Variants in LARP1B observed in about 807,000 individuals in gnomAD.
The protein encoded by LARP1B is la-related protein 1B.
LARP1B carries 76 observed loss-of-function variants against 114.2 expected under a neutral mutation model. That is an observed-to-expected ratio of 0.67 (90% CI 0.55 to 0.81). The LOEUF (loss-of-function observed/expected upper bound fraction) is 0.81. Among genes scored for constraint, LARP1B ranks in the 30% least tolerant of loss-of-function variants. The probability of loss-of-function intolerance (pLI) is 0.00; values close to 1 mark genes in which losing one functional copy is unlikely to be tolerated. For missense variants in LARP1B, 1,014 were observed against 1,075.8 expected (o/e 0.94, Z 0.80); for synonymous variants, 345 against 348.0 (o/e 0.99, Z 0.10).
chr4:128,063,508 G>A (rs376285227), intron 1 of LARP1B, among the ~76,000 whole-genome samples: 2 of 150,996 alleles, frequency 1.3e-5, no homozygotes, highest in South Asian at 4.2e-4. Context: ...GGCCGGGCGC[G>A]GTGGCTCACG....
intron 11 of LARP1B, chr4:128,155,782 T>A: frequency 3.1e-6 from 5 of 1,597,880 alleles, no homozygotes; most frequent in Non-Finnish European, 4.3e-6. Context: ...ACTGACTGAC[T>A]TCCTGCAGGC....
chr4:128,089,002 A>G (rs982036911), intron 5 of LARP1B, among the ~76,000 whole-genome samples: 2 of 152,142 alleles, frequency 1.3e-5, no homozygotes, highest in African/African-American at 4.8e-5. Flanking sequence ...TTTAGGTCTA[A>G]GCATTGAGGA....
Position 128,091,096 on chromosome 4 carries a change from G to A in LARP1B, c.454G>A (p.Gly152Arg), listed in dbSNP as rs1465771488. 8 of 1,613,906 alleles carry A rather than the reference G, an allele frequency of 5.0e-6. No individual in the cohort carries two copies. The highest frequency in any genetic ancestry group is 6.8e-6 in the Non-Finnish European group (8 of 1,179,854). The change falls in exon 6 of 20, where the codon GGA (glycine) becomes AGA (arginine). Residue 152 changes from glycine to arginine, a missense_variant. Gly to Arg is a moderately radical substitution (Grantham distance 125, BLOSUM62 -2). Transcript: ENST00000326639. ...TATCCGAGGTTCCTTTAGAGGTCGA[G>A]GAAGAGGCCGAGGACGGGGAAGAGG... ...GNIRGSFRGR[G>R]RGRGRGRGRG...
intron 15 of LARP1B, among the ~76,000 whole-genome samples, chr4:128,193,713 T>C (rs577221493): frequency 2.6e-5 from 4 of 152,166 alleles, no homozygotes; most frequent in Admixed American, 2.6e-4. Context: ...GCCTCCTGGG[T>C]TCAAACGATT....
chr4:128,184,740 C>T (rs902821946), intron 15 of LARP1B, among the ~76,000 whole-genome samples: 2 of 152,150 alleles, frequency 1.3e-5, no homozygotes, highest in Non-Finnish European at 2.9e-5. Context: ...CACCGCCCTT[C>T]CCCCTACCCA....
intron 7 of LARP1B, among the ~76,000 whole-genome samples, chr4:128,096,961 C>T (rs1159313072): frequency 6.6e-6 from 1 of 151,716 alleles, no homozygotes; most frequent in Admixed American, 6.6e-5. Flanking sequence ...TATAGTGGCA[C>T]CATCCCTGTT....
At chr4:128,208,148 C>T in intron 19 of LARP1B, among the ~76,000 whole-genome samples, 1 of 151,802 alleles carries the variant, frequency 6.6e-6, no homozygotes, top group East Asian at 1.9e-4. Flanking sequence ...GTCAACATGG[C>T]AAAACTCTGT....
At chr4:128,096,550 G>A (rs1036874639) in intron 7 of LARP1B, among the ~76,000 whole-genome samples, 1 of 151,692 alleles carries the variant, frequency 6.6e-6, no homozygotes, top group African/African-American at 2.4e-5. Context: ...GCCTCATGGT[G>A]TCAAGGATAT....
chr4:128,208,371 A>AATAG (rs1191194939), intron 19 of LARP1B, among the ~76,000 whole-genome samples: 2 of 152,100 alleles, frequency 1.3e-5, no homozygotes, highest in African/African-American at 4.8e-5. Context: ...TAAATTTAAA[A>AATAG]ATAGGAAAGA....
chr4:128,204,045 T>G (rs539597165), intron 17 of LARP1B, among the ~76,000 whole-genome samples: 3 of 152,336 alleles, frequency 2.0e-5, no homozygotes, highest in East Asian at 1.9e-4. Flanking sequence ...GTTATTAATG[T>G]CATACTTTTG....
intron 5 of LARP1B, among the ~76,000 whole-genome samples, chr4:128,086,045 G>A (rs1189894586): frequency 1.7e-5 from 2 of 119,288 alleles, no homozygotes; most frequent in Non-Finnish European, 3.2e-5. Context: ...ACTGAGTCTC[G>A]CTCTGTCGCC....
chr4:128,152,293 T>G (rs2150331467), intron 11 of LARP1B, among the ~76,000 whole-genome samples: 1 of 148,124 alleles, frequency 6.8e-6, no homozygotes, highest in East Asian at 2.0e-4. Flanking sequence ...AACCTCCACC[T>G]CCCGGGTTCA....
intron 17 of LARP1B, among the ~76,000 whole-genome samples, chr4:128,202,201 A>C (rs1756178317): frequency 6.6e-6 from 1 of 152,174 alleles, no homozygotes; most frequent in African/African-American, 2.4e-5. Context: ...ACTCTTCCTT[A>C]TGACTTTAAT....
chr4:128,191,972 T>G (rs1752434153), intron 15 of LARP1B, among the ~76,000 whole-genome samples: 1 of 152,104 alleles, frequency 6.6e-6, no homozygotes, highest in Non-Finnish European at 1.5e-5. Context: ...CTCTTACTGT[T>G]TGCTTGGAGT....
intron 11 of LARP1B, among the ~76,000 whole-genome samples, chr4:128,148,055 A>T (rs1581007125): frequency 6.6e-6 from 1 of 152,222 alleles, no homozygotes; most frequent in East Asian, 1.9e-4. Flanking sequence ...TTAAGTTGAA[A>T]ATTGAGAATG....
chr4:128,190,896 T>TTAC (rs2150785891), intron 15 of LARP1B, among the ~76,000 whole-genome samples: 1 of 152,382 alleles, frequency 6.6e-6, no homozygotes, highest in South Asian at 2.1e-4. Context: ...TTGAATAAGC[T>TTAC]TACTACTCCT....
intron 12 of LARP1B, among the ~76,000 whole-genome samples, chr4:128,170,833 T>C (rs1025973708): frequency 6.6e-6 from 1 of 151,602 alleles, no homozygotes; most frequent in African/African-American, 2.4e-5. Context: ...ATGTTTGGAT[T>C]TAGGTCAACC....
At chr4:128,170,036 A>G (rs1742879003) in intron 12 of LARP1B, among the ~76,000 whole-genome samples, 2 of 152,070 alleles carry the variant, frequency 1.3e-5, no homozygotes, top group Non-Finnish European at 2.9e-5. Flanking sequence ...AACATTTTCT[A>G]AATTCTTTTG....
At chr4:128,097,495 C>T (rs1404180068) in intron 7 of LARP1B, among the ~76,000 whole-genome samples, 1 of 151,632 alleles carries the variant, frequency 6.6e-6, no homozygotes. Flanking sequence ...TTAGTAGAGA[C>T]AGGTTTTCTG....
Sources: allele counts gnomAD v4.1 joint callset (sites outside exome capture counted in the v4.1 genomes callset), GRCh38; gene constraint gnomAD v4.1.1; transcripts MANE v1.5; gene names NCBI Gene and HGNC (gene_info 2026-07-23, HGNC 2026-07-21).